The following CLIC5 variants were observed in gnomAD, a reference collection of about 807,000 sequenced individuals.
The protein encoded by CLIC5 is chloride intracellular channel protein 5.
CLIC5 carries 20 observed loss-of-function variants against 24.7 expected under a neutral mutation model. The ratio of observed to expected loss-of-function variants is 0.81; its 90% CI spans 0.57 to 1.18. The LOEUF is 1.18. Among genes scored for constraint, CLIC5 ranks in the 50% most tolerant of loss-of-function variants. The probability of loss-of-function intolerance (pLI) is 0.00; values close to 1 mark genes in which losing one functional copy is unlikely to be tolerated. For missense variants in CLIC5, 341 were observed against 326.1 expected (o/e 1.05, Z -0.35); for synonymous variants, 159 against 135.6 (o/e 1.17, Z -1.20).
intron 1 of CLIC5, among the ~76,000 whole-genome samples, chr6:46,061,684 T>A (rs1762288272): frequency 6.6e-6 from 1 of 152,238 alleles, no homozygotes; most frequent in Admixed American, 6.5e-5. Flanking sequence ...GCCATTGGAT[T>A]TTGACAGCTT....
chr6:45,930,494 T>C (rs1300135589), intron 4 of CLIC5, among the ~76,000 whole-genome samples: 1 of 152,208 alleles, frequency 6.6e-6, no homozygotes, highest in African/African-American at 2.4e-5. Context: ...CTAGCCTTGT[T>C]TGAACCGTCT....
At chr6:46,122,818 C>A in the CLIC5 span, 1 of 152,164 alleles carries the variant, frequency 6.6e-6, no homozygotes, top group Admixed American at 6.5e-5. Context: ...TGCAAATAAA[C>A]TAGAGAATCT....
intron 1 of CLIC5, among the ~76,000 whole-genome samples, chr6:46,038,051 C>T (rs1767710200): frequency 6.6e-6 from 1 of 152,120 alleles, no homozygotes; most frequent in South Asian, 2.1e-4. Flanking sequence ...CTCACTAATA[C>T]TGGCTTATTA....
At chr6:45,963,542 C>G (rs544599498) in intron 1 of CLIC5, among the ~76,000 whole-genome samples, 1 of 152,258 alleles carries the variant, frequency 6.6e-6, no homozygotes, top group African/African-American at 2.4e-5. Context: ...CACTCTTCTC[C>G]TCCATGCTTG....
chr6:46,076,966 G>GTTGT (rs1762787357), intron 1 of CLIC5, among the ~76,000 whole-genome samples: 1 of 151,836 alleles, frequency 6.6e-6, no homozygotes, highest in Non-Finnish European at 1.5e-5. Flanking sequence ...GTGAAAACCC[G>GTTGT]TCTCTACTAA....
At chr6:46,019,664 G>A (rs2127449039), upstream of CLIC5, among the ~76,000 whole-genome samples, 1 of 139,138 alleles carries the variant, frequency 7.2e-6, no homozygotes, top group Non-Finnish European at 1.5e-5. Flanking sequence ...CCGCAGTCCG[G>A]CCTGGGCGAC....
In CLIC5 at chr6:46,006,113, C is replaced by T. The variant is rs1355383400; in HGVS notation, c.63+9367G>A. ...AAATACATATATATATATATATATA[C>T]ACATGTATAAATACATATATATATA... On this transcript the variant is annotated intron_variant, in intron 1 of 5. Coordinates refer to ENST00000339561, the MANE Select transcript of CLIC5 (RefSeq NM_016929.5). Among the ~76,000 whole-genome samples the T allele has an allele frequency of 2.2e-3, 44 of 20,100 alleles. 1 individual carries two copies. The highest frequency in any genetic ancestry group is 6.3e-3 in the African/African-American group (23 of 3,662). 13.2% of individuals were successfully genotyped at this position (20,100 alleles called of 152,430 possible).
At chr6:45,986,391 A>G (rs769775830) in intron 1 of CLIC5, among the ~76,000 whole-genome samples, 4 of 152,184 alleles carry the variant, frequency 2.6e-5, no homozygotes, top group Admixed American at 1.3e-4. Flanking sequence ...AGCTTGGCCA[A>G]TGATTAGCTG....
rs34501921 is a variant in CLIC5 at position 46,006,681 on chromosome 6, C to CTT, written c.63+8797_63+8798dup. Among the ~76,000 whole-genome samples the CTT allele has an allele frequency of 1.7e-3, 238 of 138,940 alleles. 3 individuals are homozygous for CTT. Among genetic ancestry groups the CTT allele is most frequent in the African/African-American group, 6.0e-3 (222 of 36,948 alleles). The allele number at this position is 138,940 out of a possible 152,430, so 91.2% of individuals were successfully genotyped here. A position where few individuals can be genotyped will look rare whatever the true frequency, so the allele number is the denominator to read the frequency against. The stretch of plus-strand genomic sequence containing the variant: ...TCTCAAATGATATTTCTTTTTTTTC[C>CTT]TTTTTTTTTTTTTTTGAGACAGTCT... On this transcript the variant is annotated intron_variant, in intron 1 of 5. Coordinates refer to ENST00000339561, the MANE Select transcript of CLIC5 (RefSeq NM_016929.5).
chr6:45,948,000 C>A (rs1764342581), intron 3 of CLIC5, among the ~76,000 whole-genome samples: 1 of 152,146 alleles, frequency 6.6e-6, no homozygotes, highest in Admixed American at 6.5e-5. Context: ...GCATGACTGG[C>A]AGTTTTAATT....
chr6:46,129,547 C>G, the CLIC5 span: 1 of 152,234 alleles, frequency 6.6e-6, no homozygotes, highest in African/African-American at 2.4e-5. Flanking sequence ...GTAAGACGGA[C>G]AGACGTCTAT....
At chr6:45,943,219 C>T (rs1764189685) in intron 3 of CLIC5, among the ~76,000 whole-genome samples, 1 of 152,264 alleles carries the variant, frequency 6.6e-6, no homozygotes, top group African/African-American at 2.4e-5. Flanking sequence ...GGCAGTTTCA[C>T]TGTGGAAGAC....
At chr6:45,973,266 A>G (rs1183950071) in intron 1 of CLIC5, among the ~76,000 whole-genome samples, 1 of 152,196 alleles carries the variant, frequency 6.6e-6, no homozygotes, top group Non-Finnish European at 1.5e-5. Context: ...TGGCTGGGTT[A>G]GTAAACTGGG....
the CLIC5 span, among the ~76,000 whole-genome samples, chr6:46,104,621 A>T: frequency 6.6e-6 from 1 of 151,646 alleles, no homozygotes; most frequent in African/African-American, 2.4e-5. Context: ...GCAAATTATA[A>T]TACACCCTGA....
the CLIC5 span, among the ~76,000 whole-genome samples, chr6:46,108,465 T>C: frequency 6.6e-6 from 1 of 151,488 alleles, no homozygotes; most frequent in Admixed American, 6.6e-5. Flanking sequence ...GGTGCGGTCT[T>C]GGCTCACTGC....
chr6:45,910,138 T>C (rs1762775936), intron 5 of CLIC5, among the ~76,000 whole-genome samples: 1 of 152,192 alleles, frequency 6.6e-6, no homozygotes, highest in East Asian at 1.9e-4. Context: ...AGTACCCTTT[T>C]TTTTTCTAAC....
chr6:45,914,755 A>C (rs1317907370), intron 4 of CLIC5, among the ~76,000 whole-genome samples: 1 of 151,708 alleles, frequency 6.6e-6, no homozygotes, highest in East Asian at 2.0e-4. Flanking sequence ...GATCGAAACC[A>C]CCCTAGCCAA....
upstream of CLIC5, among the ~76,000 whole-genome samples, chr6:46,082,908 A>G (rs1762953988): frequency 6.6e-6 from 1 of 152,080 alleles, no homozygotes; most frequent in Non-Finnish European, 1.5e-5. Context: ...TAGAATGTAA[A>G]CCCTATATGG....
chr6:46,031,856 T>C (rs1347498693), intron 1 of CLIC5, among the ~76,000 whole-genome samples: 1 of 147,910 alleles, frequency 6.8e-6, no homozygotes. Context: ...GTAAAATATA[T>C]ATATACACAT....
Sources: allele counts gnomAD v4.1 joint callset (sites outside exome capture counted in the v4.1 genomes callset), GRCh38; gene constraint gnomAD v4.1.1; transcripts MANE v1.5; gene names NCBI Gene and HGNC (gene_info 2026-07-23, HGNC 2026-07-21).